PTPRD: variants seen among roughly 807,000 people sequenced by gnomAD.
PTPRD encodes protein tyrosine phosphatase receptor type D, also known as receptor-type tyrosine-protein phosphatase delta.
A neutral mutation model predicts 214.5 loss-of-function variants in PTPRD; 34 were observed. That is an observed-to-expected ratio of 0.16 (90% confidence interval 0.12 to 0.21). The LOEUF is 0.21. Ranked by LOEUF, PTPRD falls within the 10% of genes least tolerant of loss-of-function variation. PTPRD has a pLI of 1.00. For synonymous variants in PTPRD, 1,128 were observed against 845.7 expected (o/e 1.33, Z -5.79); for missense variants, 2,545 against 2,398.7 (o/e 1.06, Z -1.27).
At chr9:10,224,380 T>G (rs2154351502) in intron 3 of PTPRD, among the ~76,000 whole-genome samples, 1 of 152,136 alleles carries the variant, frequency 6.6e-6, no homozygotes, top group East Asian at 1.9e-4. Context: ...CTTATTATAT[T>G]TAAGTTTTAG....
chr9:9,623,962 C>T (rs570177615), intron 7 of PTPRD, among the ~76,000 whole-genome samples: 118 of 152,198 alleles, frequency 7.8e-4, no homozygotes, highest in African/African-American at 2.6e-3. Flanking sequence ...AGGAAAAGAG[C>T]GAGCTAGTTT....
At chr9:10,278,352 A>C (rs1595978827) in intron 3 of PTPRD, among the ~76,000 whole-genome samples, 1 of 152,218 alleles carries the variant, frequency 6.6e-6, no homozygotes, top group East Asian at 1.9e-4. Context: ...AGGCTTCCAC[A>C]GCTTTCTGGG....
intron 5 of PTPRD, among the ~76,000 whole-genome samples, chr9:9,777,541 C>T (rs1351615359): frequency 1.3e-5 from 2 of 151,916 alleles, no homozygotes; most frequent in African/African-American, 4.8e-5. Flanking sequence ...AAGAAGAAAA[C>T]ACAAAATTTA....
chr9:9,778,986 T>C (rs915021194), intron 5 of PTPRD, among the ~76,000 whole-genome samples: 2 of 145,064 alleles, frequency 1.4e-5, no homozygotes, highest in African/African-American at 5.1e-5. Context: ...AATAGCATGA[T>C]ACTGGTACAA....
intron 34 of PTPRD, among the ~76,000 whole-genome samples, chr9:8,446,897 C>G (rs868580980): frequency 6.6e-6 from 1 of 152,214 alleles, no homozygotes. Context: ...ACATTCTGCT[C>G]TCATCCTATT....
chr9:10,276,353 G>T (rs1487378241), intron 3 of PTPRD, among the ~76,000 whole-genome samples: 1 of 152,082 alleles, frequency 6.6e-6, no homozygotes, highest in African/African-American at 2.4e-5. Context: ...TTGCCCCCAA[G>T]GACAATGCAA....
chr9:9,978,118 G>A (rs144128681), intron 4 of PTPRD, among the ~76,000 whole-genome samples: 4 of 53,326 alleles, frequency 7.5e-5, no homozygotes, highest in Non-Finnish European at 4.7e-5. Context: ...ACACACACGT[G>A]GGAGAAAGTG....
intron 34 of PTPRD, among the ~76,000 whole-genome samples, chr9:8,449,210 A>G (rs2095847060): frequency 6.6e-6 from 1 of 152,206 alleles, no homozygotes; most frequent in Non-Finnish European, 1.5e-5. Flanking sequence ...AGTGAAATTT[A>G]GTATAGGTAA....
At chr9:9,677,271 T>G (rs879785479) in intron 7 of PTPRD, among the ~76,000 whole-genome samples, 2 of 152,084 alleles carry the variant, frequency 1.3e-5, no homozygotes, top group South Asian at 4.1e-4. Flanking sequence ...GGTCTAACAT[T>G]TAAGTCTTTA....
At chr9:9,022,658 G>A (rs993801413) in intron 10 of PTPRD, among the ~76,000 whole-genome samples, 4 of 152,118 alleles carry the variant, frequency 2.6e-5, no homozygotes, top group Non-Finnish European at 5.9e-5. Flanking sequence ...ACGTATTCTT[G>A]TTAAGTGATG....
intron 10 of PTPRD, among the ~76,000 whole-genome samples, chr9:9,131,908 T>C (rs553599141): frequency 2.6e-5 from 4 of 152,194 alleles, no homozygotes; most frequent in Admixed American, 1.3e-4. Context: ...TCATGCTTTG[T>C]TGTAATGAAT....
intron 9 of PTPRD, among the ~76,000 whole-genome samples, chr9:9,190,563 T>G (rs972889161): frequency 2.0e-5 from 3 of 151,926 alleles, no homozygotes; most frequent in African/African-American, 7.2e-5. Flanking sequence ...ATACAACGAG[T>G]TAGCCCCTTT....
At chr9:8,752,035 C>T (rs2093586433) in intron 11 of PTPRD, among the ~76,000 whole-genome samples, 1 of 152,192 alleles carries the variant, frequency 6.6e-6, no homozygotes, top group Non-Finnish European at 1.5e-5. Context: ...AGAAGCTCTG[C>T]ATGGTCCCTT....
chr9:9,658,209 A>G (rs1184139849), intron 7 of PTPRD, among the ~76,000 whole-genome samples: 2 of 152,164 alleles, frequency 1.3e-5, no homozygotes, highest in African/African-American at 4.8e-5. Context: ...CCAGGAAACT[A>G]AAACTCTGAT....
intron 12 of PTPRD, among the ~76,000 whole-genome samples, chr9:8,657,222 C>T (rs1241769760): frequency 2.1e-5 from 3 of 143,034 alleles, no homozygotes; most frequent in African/African-American, 2.6e-5. Context: ...GGCTGGAGTG[C>T]AATGGTGCAA....
At chr9:8,977,557 C>T (rs1179899578) in intron 11 of PTPRD, among the ~76,000 whole-genome samples, 2 of 151,956 alleles carry the variant, frequency 1.3e-5, no homozygotes, top group Non-Finnish European at 2.9e-5. Flanking sequence ...GTCATACAGT[C>T]ATCATCTTGA....
rs57991748 is a variant in PTPRD, at chr9:9,998,129, A to AAATATATATATATAT, written c.-472+35588_-472+35589insATATATATATATATT. Among the ~76,000 whole-genome samples the AAATATATATATATAT allele has an allele frequency of 2.2e-3, 203 of 91,414 alleles. 2 individuals are homozygous for AAATATATATATATAT. Among genetic ancestry groups the AAATATATATATATAT allele is most frequent in the African/African-American group, 6.2e-3 (105 of 16,988 alleles). 60.0% of individuals were successfully genotyped at this position (91,414 alleles called of 152,430 possible). On this transcript the variant is annotated intron_variant, in intron 4 of 45. Coordinates refer to ENST00000381196, the MANE Select transcript of PTPRD (RefSeq NM_002839.4). ...TTAAAGTATAATAAAAAAAAAAAAA[A>AAATATATATATATAT]ATATATATATATATATAAAAGAAGA... is the stretch of plus-strand genomic sequence containing the variant.
At chr9:8,531,484 A>C (rs1302975074) in intron 14 of PTPRD, among the ~76,000 whole-genome samples, 2 of 152,118 alleles carry the variant, frequency 1.3e-5, no homozygotes, top group African/African-American at 4.8e-5. Flanking sequence ...GGATAAAAGT[A>C]ATTTACCTCA....
chr9:10,018,254 A>T (rs536900455), intron 4 of PTPRD, among the ~76,000 whole-genome samples: 35 of 152,046 alleles, frequency 2.3e-4, no homozygotes, highest in African/African-American at 8.4e-4. Context: ...AGGAAAAAAA[A>T]ATCTTGGAAT....
Sources: gnomAD v4.1 joint callset for allele counts (sites outside exome capture counted in the v4.1 genomes callset) on GRCh38, gnomAD v4.1.1 for gene constraint, MANE v1.5 for transcripts, NCBI Gene and HGNC (gene_info 2026-07-23, HGNC 2026-07-21) for gene names.